DLGAP2: variants seen among roughly 807,000 people sequenced by gnomAD.
The protein encoded by DLGAP2 is DLG associated protein 2.
A neutral mutation model predicts 100.3 loss-of-function variants in DLGAP2; 26 were observed. The observed-to-expected ratio is 0.26, with a 90% confidence interval of 0.19 to 0.36. DLGAP2 has a LOEUF of 0.36. Ranked by LOEUF, DLGAP2 falls within the 10% of genes least tolerant of loss-of-function variation. The pLI is 1.00. For missense variants in DLGAP2, 1,858 were observed against 1,453.2 expected, an observed-to-expected ratio of 1.28 and a Z score of -4.53; for synonymous variants, 886 against 630.1, an observed-to-expected ratio of 1.41 and a Z score of -6.08.
Position 1,683,087 on chromosome 8 carries a change from A to G in DLGAP2, c.2704+4458A>G, listed in dbSNP as rs566706753. Among the ~76,000 whole-genome samples the G allele has an allele frequency of 4.6e-5, 7 of 151,748 alleles. 1 individual carries two copies. The highest frequency in any genetic ancestry group is 7.4e-5 in the Non-Finnish European group (5 of 67,726). ...AACAATGAGTAAGACATGGTAAAGGACCTAACTGATTACCTAACAGTGGGA... is the reference window on the plus strand; with the variant it reads ...AACAATGAGTAAGACATGGTAAAGGGCCTAACTGATTACCTAACAGTGGGA... On this transcript the variant is annotated intron_variant, in intron 12 of 14. Coordinates refer to ENST00000637795, the MANE Select transcript of DLGAP2 (RefSeq NM_001346810.2).
intron 3 of DLGAP2, among the ~76,000 whole-genome samples, chr8:1,381,748 G>A (rs562361115): frequency 1.3e-5 from 2 of 150,548 alleles, no homozygotes; most frequent in South Asian, 2.1e-4. Flanking sequence ...TGAATGCTGG[G>A]ATTTTCTTCC....
intron 4 of DLGAP2, among the ~76,000 whole-genome samples, chr8:1,527,454 T>C (rs1800832177): frequency 1.3e-5 from 2 of 152,152 alleles, no homozygotes; most frequent in South Asian, 2.1e-4. Flanking sequence ...CATAATAAGT[T>C]CAAACATGAA....
chr8:779,621 G>A (rs1427420068), intron 1 of DLGAP2, among the ~76,000 whole-genome samples: 1 of 151,826 alleles, frequency 6.6e-6, no homozygotes, highest in Non-Finnish European at 1.5e-5. Flanking sequence ...AAGCCACCAT[G>A]CCTAGCCTAA....
chr8:784,722 C>T (rs932555789), intron 1 of DLGAP2, among the ~76,000 whole-genome samples: 25 of 152,152 alleles, frequency 1.6e-4, no homozygotes, highest in Admixed American at 4.6e-4. Context: ...TTCCTAAATC[C>T]GGGAAAGACC....
intron 2 of DLGAP2, among the ~76,000 whole-genome samples, chr8:923,426 G>A (rs1359816793): frequency 1.3e-5 from 2 of 152,230 alleles, no homozygotes; most frequent in African/African-American, 4.8e-5. Context: ...TGTGAGTGCT[G>A]ATGCCGCTCT....
intron 4 of DLGAP2, among the ~76,000 whole-genome samples, chr8:1,535,125 T>C (rs947545416): frequency 2.6e-5 from 4 of 152,230 alleles, no homozygotes; most frequent in Non-Finnish European, 5.9e-5. Context: ...AGGCAGGCCC[T>C]GTCTCAGCAA....
intron 1 of DLGAP2, among the ~76,000 whole-genome samples, chr8:757,441 G>A (rs1820950131): frequency 6.6e-6 from 1 of 152,178 alleles, no homozygotes; most frequent in African/African-American, 2.4e-5. Context: ...TTAGCACCGT[G>A]TTTTGAGGAC....
At chr8:1,125,172 T>C (rs1468029948) in intron 2 of DLGAP2, among the ~76,000 whole-genome samples, 1 of 152,240 alleles carries the variant, frequency 6.6e-6, no homozygotes, top group Non-Finnish European at 1.5e-5. Context: ...TGGCCTTGCA[T>C]TGACAAAATG....
intron 2 of DLGAP2, among the ~76,000 whole-genome samples, chr8:1,066,664 C>G (rs113177142): frequency 9.9e-5 from 15 of 152,210 alleles, no homozygotes; most frequent in African/African-American, 3.6e-4. Context: ...ATGGGCAGGT[C>G]TGAGTGAGGA....
intron 2 of DLGAP2, among the ~76,000 whole-genome samples, chr8:1,105,248 C>A (rs73670441): frequency 1.3e-5 from 2 of 152,138 alleles, no homozygotes; most frequent in East Asian, 3.8e-4. Context: ...AAATTACAAC[C>A]GTGGTGCCTG....
chr8:1,508,053 C>T (rs921380886), intron 4 of DLGAP2, among the ~76,000 whole-genome samples: 1 of 151,944 alleles, frequency 6.6e-6, no homozygotes, highest in African/African-American at 2.4e-5. Flanking sequence ...CATGAAAGCT[C>T]ACCAGGGCAC....
rs780759209 is a variant in DLGAP2, at chr8:1,501,431, GGTAGA to G, written c.172+4_172+8del. ...TCCGGGGCCGGCAGAGGAGGATCTA[GGTAGA>G]GTACAGACGTCAGCCCCGCTCTGGC... is the stretch of plus-strand genomic sequence containing the variant. On this transcript the variant is annotated splice_donor_variant and splice_donor_5th_base_variant and intron_variant, in intron 4 of 14. Coordinates refer to ENST00000637795, the MANE Select transcript of DLGAP2 (RefSeq NM_001346810.2). LOFTEE classifies it high-confidence loss of function. 60 of 1,535,616 alleles carry G rather than the reference GGTAGA, an allele frequency of 3.9e-5. No individual in the cohort carries two copies. In the South Asian group the frequency reaches 4.3e-4, roughly 11 times the overall value.
chr8:1,460,853 G>C (rs1798451443), intron 3 of DLGAP2, among the ~76,000 whole-genome samples: 1 of 152,182 alleles, frequency 6.6e-6, no homozygotes, highest in African/African-American at 2.4e-5. Flanking sequence ...CATCTGGGTG[G>C]CCAGTGGGTT....
In DLGAP2 at chr8:1,707,197, A is replaced by G. The variant is rs1799731202; in HGVS notation, c.*5791A>G. The G allele has an allele frequency of 6.6e-6, 1 of 152,648 alleles. No individual in the cohort carries two copies. The highest frequency in any genetic ancestry group is 2.1e-4 in the South Asian group (1 of 4,838). The allele number at this position is 152,648 out of a possible 1,614,324, so 9.5% of individuals were successfully genotyped here. The stretch of plus-strand genomic sequence containing the variant: ...TATTCAGAACCTGAAAGCCTTGGGC[A>G]TCCAAGCTTTCACCTACTCAATGGA... On this transcript the variant is annotated 3_prime_UTR_variant, in exon 15 of 15. Coordinates refer to ENST00000637795, the MANE Select transcript of DLGAP2 (RefSeq NM_001346810.2).
chr8:918,085 G>A (rs1357586766), intron 2 of DLGAP2, among the ~76,000 whole-genome samples: 1 of 152,186 alleles, frequency 6.6e-6, no homozygotes, highest in African/African-American at 2.4e-5. Context: ...AGCTACGGGT[G>A]TAAAATCTAA....
intron 2 of DLGAP2, among the ~76,000 whole-genome samples, chr8:1,178,745 A>T (rs1797315023): frequency 6.6e-6 from 1 of 152,202 alleles, no homozygotes; most frequent in African/African-American, 2.4e-5. Flanking sequence ...TTTGGCTCAG[A>T]GACAGTCTTA....
intron 6 of DLGAP2, among the ~76,000 whole-genome samples, chr8:1,577,628 G>A (rs1483118972): frequency 6.6e-6 from 1 of 151,442 alleles, no homozygotes; most frequent in Non-Finnish European, 1.5e-5. Context: ...TCCAACAAGA[G>A]GTTTATTGTG....
chr8:1,259,339 T>G (rs7817753), intron 3 of DLGAP2, among the ~76,000 whole-genome samples: 6,309 of 152,282 alleles, frequency 0.041, 432 homozygotes, highest in African/African-American at 0.14. Flanking sequence ...TGTTGCTTAT[T>G]TAACTTTCTA....
At chr8:1,479,281 G>A (rs1241552547) in intron 3 of DLGAP2, among the ~76,000 whole-genome samples, 1 of 152,258 alleles carries the variant, frequency 6.6e-6, no homozygotes, top group Non-Finnish European at 1.5e-5. Flanking sequence ...GGGGATTGGG[G>A]GCGGTGGGGA....
Sources: gnomAD v4.1 joint callset for allele counts (sites outside exome capture counted in the v4.1 genomes callset) on GRCh38, gnomAD v4.1.1 for gene constraint, MANE v1.5 for transcripts, NCBI Gene and HGNC (gene_info 2026-07-23, HGNC 2026-07-21) for gene names.